The following LBHD1 variants were observed in gnomAD, a reference collection of about 807,000 sequenced individuals.
The protein encoded by LBHD1 is LBH domain containing 1, also known as LBH domain-containing protein 1.
In LBHD1, 28 loss-of-function variants were observed where a neutral mutation model predicts 31.1. The observed-to-expected ratio is 0.90, with a 90% confidence interval of 0.67 to 1.24. The LOEUF is 1.24. Among genes scored for constraint, LBHD1 ranks in the 50% most tolerant of loss-of-function variants. LBHD1 has a pLI of 0.00. For synonymous variants in LBHD1, 105 were observed against 116.5 expected (o/e 0.90, Z 0.63); for missense variants, 350 against 323.0 (o/e 1.08, Z -0.64).
intron 1 of LBHD1, 115 bp from the exon 2 acceptor site, chr11:62,670,156 CGATTATACG>C: frequency 9.1e-7 from 1 of 1,094,688 alleles, no homozygotes; most frequent in Admixed American, 2.7e-5. Context: ...CTGTGCTAAG[CGATTATACG>C]CTTTCAGGGG....
chr11:62,671,903 G>A lies in LBHD1; in HGVS notation c.-350C>T. ...GGTAGTCCCGAGGAAGGGTGGGCGG[G>A]TGGAGAGCCCCGGACTGGAGCTCCT... On this transcript the variant is annotated 5_prime_UTR_variant, in exon 1 of 7. Transcript: ENST00000354588. The A allele has an allele frequency of 1.2e-6, 2 of 1,613,434 alleles. No individual in the cohort carries two copies. Among genetic ancestry groups the A allele is most frequent in the Non-Finnish European group, 8.5e-7 (1 of 1,179,522 alleles).
In LBHD1 at chr11:62,666,316, A is replaced by T. The variant is rs141228885; in HGVS notation, c.538+1207T>A. The T allele has an allele frequency of 6.1e-5, 90 of 1,485,830 alleles. No individual in the cohort carries two copies. The East Asian group carries it at 2.0e-3, about 33-fold the overall frequency. 92.0% of individuals were successfully genotyped at this position (1,485,830 alleles called of 1,614,324 possible). ...CAGAGTGAGACCCTGTCTCAAAAAA[A>T]AAAAAGACGCCAGTGTGTATATACG... On this transcript the variant is annotated intron_variant, in intron 4 of 6. Transcript: ENST00000354588.
Position 62,669,530 on chromosome 11 carries a change from C to T in LBHD1, c.313+111G>A. On this transcript the variant is annotated intron_variant, in intron 3 of 6. Transcript: ENST00000354588. ...CCCACATCTTCACATTTATTGAGCA[C>T]CTGCTGTGTGCCTGGCACTGCTGAA... 3 of 1,513,908 alleles carry T rather than the reference C, an allele frequency of 2.0e-6. No homozygotes were observed. In the South Asian group the frequency reaches 4.0e-5, roughly 20 times the overall value. 93.8% of individuals were successfully genotyped at this position (1,513,908 alleles called of 1,614,324 possible). A position where few individuals can be genotyped will look rare whatever the true frequency, so the allele number is the denominator to read the frequency against.
intron 4 of LBHD1, chr11:62,665,420 A>C (rs1443790966): frequency 1.3e-6 from 2 of 1,495,640 alleles, no homozygotes; most frequent in Non-Finnish European, 1.8e-6. Context: ...GGGTCTCAGG[A>C]CCCTCCTTTT....
chr11:62,667,022 T>C, intron 4 of LBHD1: 1 of 1,607,914 alleles, frequency 6.2e-7, no homozygotes, highest in Non-Finnish European at 8.5e-7. Context: ...CATCACCTAC[T>C]TTGCTTACTT....
At chr11:62,668,839 A>C (rs1191134858) in intron 3 of LBHD1, among the ~76,000 whole-genome samples, 1 of 152,006 alleles carries the variant, frequency 6.6e-6, no homozygotes, top group African/African-American at 2.4e-5. Context: ...AACAAACAAA[A>C]AAACAGTACA....
intron 4 of LBHD1, chr11:62,665,182 A>C (rs1173001774): frequency 2.5e-6 from 2 of 813,774 alleles, no homozygotes; most frequent in East Asian, 5.3e-5. Context: ...TCGCGATTCC[A>C]CTCCAGTTCA....
Position 62,664,828 on chromosome 11 carries a change from GGAA to G in LBHD1, c.663+18_663+20del. 6.4e-7 allele frequency: 1 copy of G among 1,556,388 alleles called. No individual in the cohort carries two copies. Among genetic ancestry groups the G allele is most frequent in the Non-Finnish European group, 8.7e-7 (1 of 1,150,040 alleles). ...GAAGACTCGGTGGGGACGACCAACA[GGAA>G]GAGGGTCTAGTACTTACGCCCGCTT... is the stretch of plus-strand genomic sequence containing the variant. On this transcript the variant is annotated intron_variant, in intron 5 of 6. Transcript: ENST00000354588.
intron 5 of LBHD1, 55 bp downstream of exon 5, chr11:62,664,794 G>A (rs560685300): frequency 7.9e-5 from 122 of 1,545,998 alleles, no homozygotes; most frequent in Admixed American, 4.1e-4. Flanking sequence ...GAGCTCTGCA[G>A]GGAGGAAGGA....
Position 62,665,745 on chromosome 11 carries a change from G to A in LBHD1, c.539-772C>T, listed in dbSNP as rs1944789740. On this transcript the variant is annotated intron_variant, in intron 4 of 6. Coordinates refer to ENST00000354588, the MANE Select transcript of LBHD1 (RefSeq NM_024099.5). Reference sequence around the variant, plus strand: ...CCGCGTTCTTTTTTCCGGGACTGCAGAGTTCGGGGAAGCTGTACGCCGCCT... The same window carrying A: ...CCGCGTTCTTTTTTCCGGGACTGCAAAGTTCGGGGAAGCTGTACGCCGCCT... 3 of 1,484,756 alleles carry A rather than the reference G, an allele frequency of 2.0e-6. No homozygotes were observed. In the South Asian group the frequency reaches 3.9e-5, roughly 19 times the overall value. 92.0% of individuals were successfully genotyped at this position (1,484,756 alleles called of 1,614,324 possible).
At position 62,671,703 on chromosome 11, in the gene LBHD1, G is replaced by GC. The variant is rs1565131196; in HGVS notation, c.-151dup. 4 of 1,606,382 alleles carry GC rather than the reference G, an allele frequency of 2.5e-6. No individual in the cohort carries two copies. The highest frequency in any genetic ancestry group is 2.6e-6 in the Non-Finnish European group (3 of 1,176,308). ...GACCGCGCGGCAACAGCTTGCGGCT[G>GC]CGGGGAGCTCCCGTGGGCGCTCCGC... On this transcript the variant is annotated 5_prime_UTR_variant, in exon 1 of 7. An upstream open reading frame in the 5' UTR gains an earlier in-frame stop. Coordinates refer to ENST00000354588, the MANE Select transcript of LBHD1 (RefSeq NM_024099.5).
rs891438590 is a variant in LBHD1 at position 62,671,593 on chromosome 11, G to A, written c.-40C>T. 9 of 1,476,240 alleles carry A rather than the reference G, an allele frequency of 6.1e-6. No homozygotes were observed. In the African/African-American group the frequency reaches 1.1e-4, roughly 18 times the overall value. The allele number at this position is 1,476,240 out of a possible 1,614,324, so 91.4% of individuals were successfully genotyped here. On this transcript the variant is annotated 5_prime_UTR_variant, in exon 1 of 7. The change creates a new upstream start codon in the 5' untranslated region. Transcript: ENST00000354588. ...GATCCAAGCGCTCCGGATTCCAAAC[G>A]TTTCCTCGAGCAGGTCCTCTCTAGC... is the stretch of plus-strand genomic sequence containing the variant.
Position 62,669,699 on chromosome 11 carries a change from G to A in LBHD1, c.255C>T (p.Leu85=). Residue 85 remains leucine (L), a synonymous_variant, in exon 3 of 7, where the codon CTC becomes CTT. Coordinates refer to ENST00000354588, the MANE Select transcript of LBHD1 (RefSeq NM_024099.5). ...LHLPHEELLL[L]TDGEEEDAEA... ...CAGCATCCTCTTCCTCACCATCAGT[G>A]AGCAGCAGCAGCTCCTCATGGGGCA... is the stretch of plus-strand genomic sequence containing the variant. 5 of 1,614,210 alleles carry A rather than the reference G, an allele frequency of 3.1e-6. No individual in the cohort carries two copies. Among genetic ancestry groups the A allele is most frequent in the Non-Finnish European group, 3.4e-6 (4 of 1,180,044 alleles).
chr11:62,668,889 G>C (rs893448587), intron 3 of LBHD1, among the ~76,000 whole-genome samples: 2 of 151,896 alleles, frequency 1.3e-5, no homozygotes, highest in Non-Finnish European at 2.9e-5. Context: ...TATCGAATAT[G>C]TAAACTATTT....
intron 4 of LBHD1, chr11:62,666,507 T>C: frequency 6.2e-7 from 1 of 1,614,058 alleles, no homozygotes; most frequent in Non-Finnish European, 8.5e-7. Flanking sequence ...TACGACGAAG[T>C]CCAGGGGCTC....
In LBHD1 at chr11:62,663,225, C is replaced by T; in HGVS notation, c.761+11G>A. On this transcript the variant is annotated intron_variant, in intron 6 of 6. Transcript: ENST00000354588. ...CAGGATTCCCCTCACCCACCTCTGT[C>T]CCAGCCTCACCTTCCATGGCTGTCT... 6.2e-7 allele frequency: 1 copy of T among 1,613,946 alleles called. No homozygotes were observed. The highest frequency in any genetic ancestry group is 8.5e-7 in the Non-Finnish European group (1 of 1,180,016).
intron 4 of LBHD1, chr11:62,665,598 C>T (rs1944784909): frequency 1.3e-6 from 2 of 1,565,870 alleles, no homozygotes; most frequent in Middle Eastern, 1.7e-4. Context: ...CAACCGAGAT[C>T]CAGCTGGCTC....
Position 62,671,873 on chromosome 11 carries a change from C to T in LBHD1, c.-320G>A, listed in dbSNP as rs772755868. On this transcript the variant is annotated 5_prime_UTR_variant, in exon 1 of 7. Transcript: ENST00000354588. The stretch of plus-strand genomic sequence containing the variant: ...AAGCAGGAAATGCTAAAGGTAGAAG[C>T]AACTGGTAGTCCCGAGGAAGGGTGG... The T allele has an allele frequency of 1.4e-5, 22 of 1,613,784 alleles. No individual in the cohort carries two copies. The highest frequency in any genetic ancestry group is 1.9e-5 in the Non-Finnish European group (22 of 1,179,894).
Position 62,664,848 on chromosome 11 carries a change from C to G in LBHD1, c.663+1G>C, listed in dbSNP as rs763180637. ...CAACAGGAAGAGGGTCTAGTACTTA[C>G]GCCCGCTTCTTGAGGTGGTGCCGCG... On this transcript the variant is annotated splice_donor_variant, in intron 5 of 6. Coordinates refer to ENST00000354588, the MANE Select transcript of LBHD1 (RefSeq NM_024099.5). LOFTEE classifies it high-confidence loss of function. The G allele has an allele frequency of 1.9e-6, 3 of 1,564,466 alleles. No homozygotes were observed. Among genetic ancestry groups the G allele is most frequent in the Non-Finnish European group, 1.7e-6 (2 of 1,154,080 alleles).
Sources: gnomAD v4.1 joint callset for allele counts (sites outside exome capture counted in the v4.1 genomes callset) on GRCh38, gnomAD v4.1.1 for gene constraint, MANE v1.5 for transcripts, NCBI Gene and HGNC (gene_info 2026-07-23, HGNC 2026-07-21) for gene names.